SAMD10: variants seen among roughly 807,000 people sequenced by gnomAD.
The protein encoded by SAMD10 is sterile alpha motif domain-containing protein 10.
SAMD10 carries 16 observed loss-of-function variants against 22.5 expected under a neutral mutation model. That is an observed-to-expected ratio of 0.71 (90% confidence interval 0.48 to 1.08). The LOEUF (loss-of-function observed/expected upper bound fraction) is 1.08. SAMD10 is among the 50% of genes least tolerant of loss of function. The pLI, the probability that SAMD10 is intolerant of heterozygous loss-of-function variation, is 0.00. For missense variants in SAMD10, 227 were observed against 281.3 expected (o/e 0.81, Z 1.38); for synonymous variants, 118 against 122.2 (o/e 0.97, Z 0.23).
Position 63,975,781 on chromosome 20 carries a change from G to A in SAMD10, c.497C>T (p.Ala166Val), listed in dbSNP as rs2059018005. The A allele has an allele frequency of 1.2e-6, 2 of 1,604,248 alleles. No homozygotes were observed. The highest frequency in any genetic ancestry group is 8.5e-7 in the Non-Finnish European group (1 of 1,179,172). ...CACCTCCTGCCTCTGGGCCTCCTGG[G>A]CCAGCCCCATCCGCTGCAGCTTCTC... ...NAEKLQRMGL[A>V]QEAQRQEVLQ... The change falls in exon 4 of 5, where the codon GCC becomes GTC. Residue 166 changes from alanine (A) to valine (V), a missense_variant. Transcript: ENST00000369886.
chr20:63,977,250 T>C lies in SAMD10; in HGVS notation c.248A>G (p.Gln83Arg). Residue 83 changes from glutamine (Q) to arginine (R), a missense_variant, in exon 2 of 5, where the codon CAG becomes CGG. Physicochemically the swap from Gln to Arg is conservative, Grantham distance 43 (BLOSUM62 1). Transcript: ENST00000369886. The surrounding 1 kb of genome is among the most constrained non-coding windows in gnomAD (Gnocchi z 5.4). ...AASSRPIKLL[Q>R]QPGTDTPQGR... ...CTGGGGGGTGTCTGTGCCGGGCTGC[T>C]GCAGGAGCTTGATTGGCCTGCTGCT... The C allele has an allele frequency of 6.2e-7, 1 of 1,613,474 alleles. No individual in the cohort carries two copies.
At position 63,975,744 on chromosome 20, in the gene SAMD10, C is replaced by G. The variant is rs78885331; in HGVS notation, c.534G>C (p.Val178=). 1.2e-6 allele frequency: 2 copies of G among 1,605,174 alleles called. No homozygotes were observed. The highest frequency in any genetic ancestry group is 8.5e-7 in the Non-Finnish European group (1 of 1,179,304). ...EAQRQEVLQQ[V]LRLQVREEGR... ...CCTCCTCACGCACCTGCAGGCGGAG[C>G]ACCTGCTGCAGCACCTCCTGCCTCT... Residue 178 remains valine (V), a synonymous_variant, in exon 4 of 5, where the codon GTG becomes GTC. Transcript: ENST00000369886.
Position 63,979,352 on chromosome 20 carries a change from C to T in SAMD10, c.91+25G>A. 6.9e-7 allele frequency: 1 copy of T among 1,458,546 alleles called. No homozygotes were observed. The highest frequency in any genetic ancestry group is 9.0e-7 in the Non-Finnish European group (1 of 1,105,384). 90.4% of individuals were successfully genotyped at this position (1,458,546 alleles called of 1,614,324 possible). ...CTGAGACCCCCGCCCGAGAAATCCC[C>T]GCTCCCCAATCCAGCCCCGCTCACC... On this transcript the variant is annotated intron_variant, in intron 1 of 4. Coordinates refer to ENST00000369886, the MANE Select transcript of SAMD10 (RefSeq NM_080621.5). This position sits in a 1 kb window ranked among gnomAD's most constrained non-coding sequence, Gnocchi z 7.7.
chr20:63,978,332 C>A, intron 1 of SAMD10: 1 of 1,299,928 alleles, frequency 7.7e-7, no homozygotes, highest in Non-Finnish European at 1.0e-6. Flanking sequence ...TGAATGAAGG[C>A]TCTGTATGGT....
upstream of SAMD10, chr20:63,979,796 G>A (rs530326608): frequency 3.2e-4 from 201 of 628,400 alleles, no homozygotes; most frequent in Non-Finnish European, 3.6e-4. The surrounding 1 kb of genome is among the most constrained non-coding windows in gnomAD (Gnocchi z 7.7). Context: ...CTCTGAGGTC[G>A]GGCCCCTCTG....
Position 63,974,610 on chromosome 20 carries a change from G to T in SAMD10, c.*900C>A, listed in dbSNP as rs1221258026. ...AGAGGGGTTGCTCAGGCCTCTGGGAGGGTGTAAGGGGAGTGGCCCTGGGAA... is the reference window on the plus strand; with the variant it reads ...AGAGGGGTTGCTCAGGCCTCTGGGATGGTGTAAGGGGAGTGGCCCTGGGAA... On this transcript the variant is annotated 3_prime_UTR_variant, in exon 5 of 5. Coordinates refer to ENST00000369886, the MANE Select transcript of SAMD10 (RefSeq NM_080621.5). 6.6e-6 allele frequency: 1 copy of T among 152,472 alleles called. No individual in the cohort carries two copies. Among genetic ancestry groups the T allele is most frequent in the Non-Finnish European group, 1.5e-5 (1 of 68,096 alleles). The allele number at this position is 152,472 out of a possible 1,614,324, so 9.4% of individuals were successfully genotyped here. A position where few individuals can be genotyped will look rare whatever the true frequency, so the allele number is the denominator to read the frequency against.
chr20:63,979,292 G>A lies in SAMD10; in HGVS notation c.91+85C>T. On this transcript the variant is annotated intron_variant, in intron 1 of 4. Coordinates refer to ENST00000369886, the MANE Select transcript of SAMD10 (RefSeq NM_080621.5). This position sits in a 1 kb window ranked among gnomAD's most constrained non-coding sequence, Gnocchi z 7.7. The stretch of plus-strand genomic sequence containing the variant: ...CCCCAGCCACCGCCGCTCGAAGCCC[G>A]CCGGGTCCCGCCCCGCCCCCGTGCC... 2.0e-6 allele frequency: 2 copies of A among 1,025,386 alleles called. No individual in the cohort carries two copies. The highest frequency in any genetic ancestry group is 2.6e-6 in the Non-Finnish European group (2 of 762,658). 63.5% of individuals were successfully genotyped at this position (1,025,386 alleles called of 1,614,324 possible). A position where few individuals can be genotyped will look rare whatever the true frequency, so the allele number is the denominator to read the frequency against.
chr20:63,978,634 C>T (rs915294945), intron 1 of SAMD10, among the ~76,000 whole-genome samples: 1 of 152,226 alleles, frequency 6.6e-6, no homozygotes, highest in African/African-American at 2.4e-5. Flanking sequence ...TAACACCTTC[C>T]GCCCCCATTC....
In SAMD10 at chr20:63,977,101, G is replaced by T; in HGVS notation, c.315C>A (p.Ser105Arg). 6.2e-7 allele frequency: 1 copy of T among 1,614,156 alleles called. No homozygotes were observed. The highest frequency in any genetic ancestry group is 1.1e-5 in the South Asian group (1 of 91,084). Residue 105 changes from serine (S) to arginine (R), a missense_variant, in exon 3 of 5, where the codon AGC becomes AGA. Physicochemically the swap from Ser to Arg is moderately radical, Grantham distance 110. Coordinates refer to ENST00000369886, the MANE Select transcript of SAMD10 (RefSeq NM_080621.5). This position sits in a 1 kb window ranked among gnomAD's most constrained non-coding sequence, Gnocchi z 5.4. ...YSDHYGLYHTSPSLGGLTRPV... is the reference protein window; with the variant it reads ...YSDHYGLYHTRPSLGGLTRPV... ...GCCGGGTCAGGCCACCCAGCGAGGG[G>T]CTTGTATGGTACAGGCCATAGTGGT...
Position 63,975,417 on chromosome 20 carries a change from G to C in SAMD10, c.*93C>G, listed in dbSNP as rs957905798. 1 of 1,508,412 alleles carries C rather than the reference G, an allele frequency of 6.6e-7. No individual in the cohort carries two copies. Among genetic ancestry groups the C allele is most frequent in the Non-Finnish European group, 9.1e-7 (1 of 1,097,282 alleles). The allele number at this position is 1,508,412 out of a possible 1,614,324, so 93.4% of individuals were successfully genotyped here. A position where few individuals can be genotyped will look rare whatever the true frequency, so the allele number is the denominator to read the frequency against. The stretch of plus-strand genomic sequence containing the variant: ...GCCTGGCCGCCCCGGCATCCCGCAG[G>C]GTCCAAGAGGCGCTGCGGGGCCAGC... On this transcript the variant is annotated 3_prime_UTR_variant, in exon 5 of 5. Coordinates refer to ENST00000369886, the MANE Select transcript of SAMD10 (RefSeq NM_080621.5).
intron 3 of SAMD10, 123 bp downstream of exon 3, chr20:63,976,848 T>C (rs1486277706): frequency 6.4e-6 from 5 of 776,810 alleles, no homozygotes; most frequent in Non-Finnish European, 1.0e-5. Flanking sequence ...AGAGGGGAGG[T>C]TGATTCACAG....
chr20:63,977,224 C>G lies in SAMD10; in HGVS notation c.273+1G>C, dbSNP rs1225440215. ...CGGAGGTGGGTGGAGTGGGTGGGTA[C>G]CTGGGGGGTGTCTGTGCCGGGCTGC... is the stretch of plus-strand genomic sequence containing the variant. On this transcript the variant is annotated splice_donor_variant, in intron 2 of 4. Transcript: ENST00000369886. LOFTEE classifies it high-confidence loss of function. This position sits in a 1 kb window ranked among gnomAD's most constrained non-coding sequence, Gnocchi z 5.4. The G allele has an allele frequency of 1.2e-6, 2 of 1,613,312 alleles. No individual in the cohort carries two copies. The highest frequency in any genetic ancestry group is 1.7e-6 in the Non-Finnish European group (2 of 1,179,828).
At chr20:63,978,846 G>T (rs1024185632) in intron 1 of SAMD10, among the ~76,000 whole-genome samples, 1 of 152,182 alleles carries the variant, frequency 6.6e-6, no homozygotes, top group African/African-American at 2.4e-5. Flanking sequence ...TGGTGCAGAA[G>T]CGCGCGGCAG....
chr20:63,978,052 G>A (rs1172443123), intron 1 of SAMD10, among the ~76,000 whole-genome samples: 3 of 152,248 alleles, frequency 2.0e-5, no homozygotes, highest in African/African-American at 7.2e-5. Flanking sequence ...CCCCCCACAG[G>A]GCCTGCAGCC....
chr20:63,979,788 C>G (rs578015514), upstream of SAMD10: 1 of 707,662 alleles, frequency 1.4e-6, no homozygotes, highest in East Asian at 1.3e-4. This position sits in a 1 kb window ranked among gnomAD's most constrained non-coding sequence, Gnocchi z 7.7. Flanking sequence ...CGGGCGTCCT[C>G]TGAGGTCGGG....
chr20:63,976,631 G>A (rs1036249706), intron 3 of SAMD10, among the ~76,000 whole-genome samples: 1 of 151,604 alleles, frequency 6.6e-6, no homozygotes, highest in Non-Finnish European at 1.5e-5. Flanking sequence ...GCGTGGTGGT[G>A]CATGCCTGTA....
rs975418145 is a variant in SAMD10, at chr20:63,979,360, A to T, written c.91+17T>A. ...CCCGCCCGAGAAATCCCCGCTCCCC[A>T]ATCCAGCCCCGCTCACCGTCCACAT... On this transcript the variant is annotated intron_variant, in intron 1 of 4. Coordinates refer to ENST00000369886, the MANE Select transcript of SAMD10 (RefSeq NM_080621.5). This position sits in a 1 kb window ranked among gnomAD's most constrained non-coding sequence, Gnocchi z 7.7. 79 of 1,347,630 alleles carry T rather than the reference A, an allele frequency of 5.9e-5. No individual in the cohort carries two copies. The highest frequency in any genetic ancestry group is 6.9e-5 in the Non-Finnish European group (72 of 1,046,248). 83.5% of individuals were successfully genotyped at this position (1,347,630 alleles called of 1,614,324 possible).
chr20:63,976,293 G>T (rs1171071348), intron 3 of SAMD10, among the ~76,000 whole-genome samples: 3 of 152,094 alleles, frequency 2.0e-5, no homozygotes, highest in African/African-American at 7.2e-5. Context: ...CGGAGAGAGG[G>T]AGGAGAGAGA....
rs375014649 is a variant in SAMD10, at chr20:63,975,740, G to A, written c.538C>T (p.Arg180Cys). 29 of 1,605,664 alleles carry A rather than the reference G, an allele frequency of 1.8e-5. No homozygotes were observed. Among genetic ancestry groups the A allele is most frequent in the East Asian group, 1.3e-4 (6 of 44,726 alleles). The change falls in exon 4 of 5, where the codon CGC becomes TGC. Residue 180 changes from arginine to cysteine, a missense_variant. By Grantham distance (180) the Arg-to-Cys change is radical (BLOSUM62 -3). Transcript: ENST00000369886. ...CGCCCCTCCTCACGCACCTGCAGGC[G>A]GAGCACCTGCTGCAGCACCTCCTGC... ...QRQEVLQQVL[R>C]LQVREEGRSL...
Sources: allele counts gnomAD v4.1 joint callset (sites outside exome capture counted in the v4.1 genomes callset), GRCh38; gene constraint gnomAD v4.1.1; non-coding constraint Gnocchi (gnomAD v3.1); transcripts MANE v1.5; gene names NCBI Gene and HGNC (gene_info 2026-07-23, HGNC 2026-07-21).